CCL17: variants seen among roughly 807,000 people sequenced by gnomAD.
CCL17 encodes the protein C-C motif chemokine ligand 17.
A neutral mutation model predicts 7.4 loss-of-function variants in CCL17; 8 were observed. The ratio of observed to expected loss-of-function variants is 1.09; its 90% confidence interval spans 0.64 to 1.96. CCL17 has a LOEUF of 1.96. Among genes scored for constraint, CCL17 ranks in the 30% most tolerant of loss-of-function variants. The pLI is 0.00. For missense variants in CCL17, 102 were observed against 113.0 expected (o/e 0.90, Z 0.44); for synonymous variants, 40 against 46.1 (o/e 0.87, Z 0.54).
chr16:57,404,642 G>A (rs543393555), upstream of CCL17: 1 of 152,722 alleles, frequency 6.5e-6, no homozygotes, highest in Non-Finnish European at 1.5e-5. Flanking sequence ...TTGGCATATA[G>A]ATGATATTTA....
intron 1 of CCL17, among the ~76,000 whole-genome samples, chr16:57,413,647 AG>A (rs1297081537): frequency 6.6e-6 from 1 of 152,226 alleles, no homozygotes; most frequent in Non-Finnish European, 1.5e-5. Flanking sequence ...TGAAAGGAGA[AG>A]TGTGTCACTG....
At chr16:57,396,315 T>A in the CCL17 span, among the ~76,000 whole-genome samples, 1 of 152,166 alleles carries the variant, frequency 6.6e-6, no homozygotes, top group Non-Finnish European at 1.5e-5. Flanking sequence ...AAGTTCCACA[T>A]AAGAAGAATA....
chr16:57,411,732 C>G (rs1163314230), intron 1 of CCL17, among the ~76,000 whole-genome samples: 1 of 152,178 alleles, frequency 6.6e-6, no homozygotes, highest in Non-Finnish European at 1.5e-5. Flanking sequence ...CTGCCTCTTC[C>G]GAGGACCCAG....
chr16:57,403,469 T>TAATAATATATATTATAA, upstream of CCL17, among the ~76,000 whole-genome samples: 112 of 6,884 alleles, frequency 0.016, 8 homozygotes, highest in Non-Finnish European at 0.025. Flanking sequence ...ATATATTATA[T>TAATAATATATATTATAA]TATATATATT....
At position 57,414,410 on chromosome 16, in the gene CCL17, C is replaced by CTTTTTTTT. The variant is rs71152269; in HGVS notation, c.70+427_70+434dup. Among the ~76,000 whole-genome samples the CTTTTTTTT allele has an allele frequency of 6.6e-5, 5 of 75,966 alleles. 1 individual carries two copies. The East Asian group carries it at 2.1e-3, about 31-fold the overall frequency. The allele number at this position is 75,966 out of a possible 152,430, so 49.8% of individuals were successfully genotyped here. ...TTCCAAGAGCATGTAAAAAAGGATTCTTTTTTTTTTTTTTTTTTTTTTTTT... is the reference window on the plus strand; with the variant it reads ...TTCCAAGAGCATGTAAAAAAGGATTCTTTTTTTTTTTTTTTTTTTTTTTTTTTTTTTTT... On this transcript the variant is annotated intron_variant, in intron 2 of 3. Transcript: ENST00000219244.
rs191729420 is a variant in CCL17, at chr16:57,405,966, C to T, written c.-60+1130C>T. Among the ~76,000 whole-genome samples the T allele has an allele frequency of 3.9e-3, 596 of 151,564 alleles. 4 individuals carry two copies. Among genetic ancestry groups the T allele is most frequent in the African/African-American group, 0.013 (556 of 41,298 alleles). ...CTGAGGCAGGAGAATGGCGTGAACC[C>T]GGGAGGTGGAGCTTGCAGTAAGCCG... On this transcript the variant is annotated intron_variant, in intron 1 of 3. Transcript: ENST00000219244.
intron 1 of CCL17, among the ~76,000 whole-genome samples, chr16:57,405,977 G>A (rs2146534019): frequency 6.6e-6 from 1 of 152,158 alleles, no homozygotes; most frequent in African/African-American, 2.4e-5. Flanking sequence ...GGGAGGTGGA[G>A]CTTGCAGTAA....
intron 1 of CCL17, among the ~76,000 whole-genome samples, chr16:57,412,039 G>A (rs1024024210): frequency 3.3e-5 from 5 of 152,178 alleles, no homozygotes; most frequent in Non-Finnish European, 1.5e-5. Context: ...GCAGGGTCAG[G>A]GTCTCTGGCA....
the CCL17 span, among the ~76,000 whole-genome samples, chr16:57,399,391 C>G: frequency 2.0e-5 from 3 of 152,180 alleles, no homozygotes; most frequent in East Asian, 5.8e-4. Context: ...GGAAAGGAGT[C>G]ATTAGTTTAT....
chr16:57,415,911 T>A lies in CCL17; in HGVS notation c.*50T>A. 1 of 1,267,074 alleles carries A rather than the reference T, an allele frequency of 7.9e-7. No homozygotes were observed. The highest frequency in any genetic ancestry group is 1.2e-6 in the Non-Finnish European group (1 of 865,476). 78.5% of individuals were successfully genotyped at this position (1,267,074 alleles called of 1,614,324 possible). A position where few individuals can be genotyped will look rare whatever the true frequency, so the allele number is the denominator to read the frequency against. On this transcript the variant is annotated 3_prime_UTR_variant, in exon 4 of 4. Transcript: ENST00000219244. The surrounding 1 kb of genome is among the most constrained non-coding windows in gnomAD (Gnocchi z 4.5). ...CTGTCTCCCGGGACTACCTGGGACCTCCACCGTTGGTGTTCACCGCCCCCA... is the reference window on the plus strand; with the variant it reads ...CTGTCTCCCGGGACTACCTGGGACCACCACCGTTGGTGTTCACCGCCCCCA...
At chr16:57,405,015 G>T (rs77167544) in intron 1 of CCL17, among the ~76,000 whole-genome samples, 179 bp downstream of exon 1, 1 of 152,310 alleles carries the variant, frequency 6.6e-6, no homozygotes, top group African/African-American at 2.4e-5. Flanking sequence ...GTGAGGGGAC[G>T]CACTGGCCCT....
the CCL17 span, among the ~76,000 whole-genome samples, chr16:57,399,702 G>A: frequency 1.3e-5 from 2 of 152,142 alleles, no homozygotes; most frequent in Non-Finnish European, 2.9e-5. Context: ...TGCCCCCTTG[G>A]CCTCCCAAGT....
intron 1 of CCL17, among the ~76,000 whole-genome samples, 198 bp from the exon 2 acceptor site, chr16:57,413,676 A>G (rs977273803): frequency 1.3e-5 from 2 of 152,200 alleles, no homozygotes; most frequent in African/African-American, 2.4e-5. Flanking sequence ...CTCTAGACAC[A>G]TGTACCCCAC....
At position 57,415,323 on chromosome 16, in the gene CCL17, G is replaced by A; in HGVS notation, c.188+125G>A. The A allele has an allele frequency of 1.4e-6, 1 of 700,044 alleles. No individual in the cohort carries two copies. Among genetic ancestry groups the A allele is most frequent in the Non-Finnish European group, 2.6e-6 (1 of 387,436 alleles). The allele number at this position is 700,044 out of a possible 1,614,324, so 43.4% of individuals were successfully genotyped here. On this transcript the variant is annotated intron_variant, in intron 3 of 3. Transcript: ENST00000219244. The surrounding 1 kb of genome is among the most constrained non-coding windows in gnomAD (Gnocchi z 4.5). ...AGCGGGGCCTTCCTCCCCAACCCCTGCAGGCTCCCCACACTGTGGGACCCA... is the reference window on the plus strand; with the variant it reads ...AGCGGGGCCTTCCTCCCCAACCCCTACAGGCTCCCCACACTGTGGGACCCA...
chr16:57,412,391 T>C (rs1030226766), intron 1 of CCL17, among the ~76,000 whole-genome samples: 12 of 152,338 alleles, frequency 7.9e-5, no homozygotes, highest in African/African-American at 2.4e-4. Flanking sequence ...ATAGGATCCC[T>C]GCCCTTCTAC....
chr16:57,398,324 G>T, the CCL17 span, among the ~76,000 whole-genome samples: 6 of 152,294 alleles, frequency 3.9e-5, no homozygotes, highest in South Asian at 4.1e-4. Flanking sequence ...TGGTTGTGGG[G>T]TTATTCCTCG....
chr16:57,413,433 G>A (rs1203395576), intron 1 of CCL17, among the ~76,000 whole-genome samples: 1 of 151,836 alleles, frequency 6.6e-6, no homozygotes, highest in Non-Finnish European at 1.5e-5. Context: ...GGCAGCCAGG[G>A]TGGCCCTGGC....
chr16:57,414,980 T>C, intron 2 of CCL17, 101 bp from the exon 3 acceptor site: 1 of 761,362 alleles, frequency 1.3e-6, no homozygotes, highest in East Asian at 2.5e-5. Flanking sequence ...GATGCACACA[T>C]GGACACGCAC....
chr16:57,398,407 A>G, the CCL17 span, among the ~76,000 whole-genome samples: 1 of 152,158 alleles, frequency 6.6e-6, no homozygotes, highest in Non-Finnish European at 1.5e-5. Flanking sequence ...GTCCTCTGGG[A>G]AGGCTTAAGG....
Sources: gnomAD v4.1 joint callset for allele counts (sites outside exome capture counted in the v4.1 genomes callset) on GRCh38, gnomAD v4.1.1 for gene constraint, Gnocchi (gnomAD v3.1) non-coding constraint, MANE v1.5 for transcripts, NCBI Gene and HGNC (gene_info 2026-07-23, HGNC 2026-07-21) for gene names.